Variants in STPG4 observed in about 807,000 individuals in gnomAD.
STPG4 encodes the protein sperm-tail PG-rich repeat containing 4.
A neutral mutation model predicts 31.5 loss-of-function variants in STPG4; 41 were observed. That is an observed-to-expected ratio of 1.30 (90% confidence interval 1.01 to 1.69). The LOEUF is 1.69. Ranked by LOEUF, STPG4 falls within the 40% of genes most tolerant of loss-of-function variation. STPG4 has a pLI of 0.00. For missense variants in STPG4, 375 were observed against 293.4 expected, an observed-to-expected ratio of 1.28 and a Z score of -2.03; for synonymous variants, 141 against 103.0, an observed-to-expected ratio of 1.37 and a Z score of -2.24.
intron 5 of STPG4, among the ~76,000 whole-genome samples, chr2:47,115,152 A>G (rs186041326): frequency 1.3e-4 from 19 of 151,362 alleles, no homozygotes; most frequent in Non-Finnish European, 2.5e-4. Flanking sequence ...TGCTACATAT[A>G]TTTTCTTCAT....
chr2:47,144,561 A>C (rs575183834), intron 3 of STPG4, among the ~76,000 whole-genome samples: 121 of 152,138 alleles, frequency 8.0e-4, no homozygotes, highest in Non-Finnish European at 1.6e-3. Flanking sequence ...CACAAAAATA[A>C]ATGATGTGTA....
intron 5 of STPG4, among the ~76,000 whole-genome samples, chr2:47,093,707 C>T (rs13382303): frequency 0.25 from 37,411 of 152,214 alleles, 4,670 homozygotes; most frequent in Admixed American, 0.27. Context: ...CTTGCATGGA[C>T]TTGGTCATCT....
At chr2:47,137,668 A>T (rs1686622628) in intron 3 of STPG4, among the ~76,000 whole-genome samples, 1 of 152,230 alleles carries the variant, frequency 6.6e-6, no homozygotes, top group Non-Finnish European at 1.5e-5. Context: ...ATATAGGCCT[A>T]TTCAGACTCT....
chr2:47,137,507 G>A (rs1240310397), intron 3 of STPG4, among the ~76,000 whole-genome samples: 1 of 152,112 alleles, frequency 6.6e-6, no homozygotes, highest in Non-Finnish European at 1.5e-5. Context: ...TGAGTTAGGA[G>A]GTGTGTCCCC....
chr2:47,096,661 T>A (rs1452787712), intron 5 of STPG4, among the ~76,000 whole-genome samples: 1 of 152,136 alleles, frequency 6.6e-6, no homozygotes, highest in Non-Finnish European at 1.5e-5. Flanking sequence ...TCAAACCTCA[T>A]TAAAACCAAG....
chr2:47,103,447 C>A (rs1685841336), intron 5 of STPG4, among the ~76,000 whole-genome samples: 1 of 151,852 alleles, frequency 6.6e-6, no homozygotes, highest in African/African-American at 2.4e-5. Flanking sequence ...ACCTGGCAAC[C>A]TTGGTGTTCT....
chr2:47,124,183 A>G (rs1235916108), intron 5 of STPG4, among the ~76,000 whole-genome samples: 2 of 152,008 alleles, frequency 1.3e-5, no homozygotes, highest in African/African-American at 2.4e-5. Context: ...GGGCTTCACC[A>G]TGTTGGCCAG....
At position 47,153,001 on chromosome 2, in the gene STPG4, T is replaced by G; in HGVS notation, c.97A>C (p.Thr33Pro). The change falls in exon 2 of 7, where the codon ACT becomes CCT. Residue 33 changes from threonine to proline, a missense_variant. Transcript: ENST00000445927. ...CATCCTTCTCTTTCAAAAGAGGAAG[T>G]CTTTTGGGCTGGTTTCTGTTAACAA... ...FITASKPAQK[T>P]SSFEREGWWR... 6.2e-7 allele frequency: 1 copy of G among 1,612,040 alleles called. No individual in the cohort carries two copies. The highest frequency in any genetic ancestry group is 1.3e-5 in the African/African-American group (1 of 75,004).
At chr2:47,129,785 T>G (rs1686436470) in intron 5 of STPG4, 156 bp downstream of exon 5, 2 of 856,020 alleles carry the variant, frequency 2.3e-6, no homozygotes, top group Non-Finnish European at 3.5e-6. Context: ...CTTACAGAGG[T>G]GTTTTCTTGT....
intron 3 of STPG4, among the ~76,000 whole-genome samples, chr2:47,143,593 C>A (rs530402524): frequency 8.6e-5 from 13 of 151,694 alleles, no homozygotes; most frequent in Non-Finnish European, 1.9e-4. Flanking sequence ...TCACGCCATT[C>A]TCCTGCCTCA....
chr2:47,146,564 GAA>G (rs34954854), intron 3 of STPG4, among the ~76,000 whole-genome samples: 57 of 137,508 alleles, frequency 4.1e-4, no homozygotes, highest in South Asian at 9.5e-4. Context: ...CATCTCTACT[GAA>G]AAAAAAAAAA....
intron 5 of STPG4, among the ~76,000 whole-genome samples, chr2:47,099,442 C>T (rs938242233): frequency 6.6e-6 from 1 of 152,260 alleles, no homozygotes; most frequent in African/African-American, 2.4e-5. Context: ...TCTTACATCT[C>T]CCAGATGCTT....
At chr2:47,099,538 T>A (rs998085394) in intron 5 of STPG4, among the ~76,000 whole-genome samples, 4 of 152,254 alleles carry the variant, frequency 2.6e-5, no homozygotes, top group African/African-American at 7.2e-5. Context: ...TGGAAGGCCA[T>A]CTTTCTATTT....
chr2:47,112,449 C>A (rs1044858712), intron 5 of STPG4, among the ~76,000 whole-genome samples: 1 of 152,090 alleles, frequency 6.6e-6, no homozygotes, highest in Non-Finnish European at 1.5e-5. Context: ...GGATTACAGG[C>A]GTGAGCCACT....
At chr2:47,147,308 GC>G (rs1424330317) in intron 3 of STPG4, among the ~76,000 whole-genome samples, 4 of 152,158 alleles carry the variant, frequency 2.6e-5, no homozygotes, top group Non-Finnish European at 5.9e-5. Context: ...TTGTGGCTTT[GC>G]CAAACAAGTA....
chr2:47,153,070 T>C (rs1486950487), intron 1 of STPG4, 54 bp from the exon 2 acceptor site: 7 of 1,299,216 alleles, frequency 5.4e-6, no homozygotes, highest in Non-Finnish European at 7.7e-6. Context: ...CCCTTGAAAT[T>C]AAATATAATT....
At chr2:47,096,206 A>G (rs543966484) in intron 5 of STPG4, among the ~76,000 whole-genome samples, 1 of 152,188 alleles carries the variant, frequency 6.6e-6, no homozygotes, top group Non-Finnish European at 1.5e-5. Flanking sequence ...AAAAATAAAT[A>G]AATCAATCAA....
At chr2:47,108,957 G>A (rs1254939389) in intron 5 of STPG4, among the ~76,000 whole-genome samples, 1 of 152,246 alleles carries the variant, frequency 6.6e-6, no homozygotes, top group East Asian at 1.9e-4. Flanking sequence ...GTAGGAGAGA[G>A]ATGAAGATAA....
intron 3 of STPG4, 21 bp from the exon 4 acceptor site, chr2:47,130,281 C>T (rs367619250): frequency 4.4e-6 from 7 of 1,605,524 alleles, no homozygotes; most frequent in Non-Finnish European, 5.1e-6. Flanking sequence ...TGGACAAGGA[C>T]ACCAATAGAT....
Sources: allele counts gnomAD v4.1 joint callset (sites outside exome capture counted in the v4.1 genomes callset), GRCh38; gene constraint gnomAD v4.1.1; transcripts MANE v1.5; gene names NCBI Gene and HGNC (gene_info 2026-07-23, HGNC 2026-07-21).